ZNF430: variants seen among roughly 807,000 people sequenced by gnomAD.
ZNF430 encodes zinc finger protein 430.
A neutral mutation model predicts 56.7 loss-of-function variants in ZNF430; 35 were observed. The observed-to-expected ratio is 0.62, with a 90% CI of 0.47 to 0.82. ZNF430 has a LOEUF of 0.82. ZNF430 is among the 40% of genes least tolerant of loss of function. The pLI is 0.00. For synonymous variants in ZNF430, 212 were observed against 224.3 expected, an observed-to-expected ratio of 0.94 and a Z score of 0.49; for missense variants, 574 against 661.0, an observed-to-expected ratio of 0.87 and a Z score of 1.44.
intron 4 of ZNF430, chr19:21,049,612 C>G (rs1171286590): frequency 1.5e-5 from 2 of 136,628 alleles, no homozygotes; most frequent in African/African-American, 5.6e-5. Context: ...TGTCTGGCCA[C>G]CATGTAACAT....
At chr19:21,027,937 G>T (rs756996819) in intron 2 of ZNF430, among the ~76,000 whole-genome samples, 87 of 152,234 alleles carry the variant, frequency 5.7e-4, no homozygotes, top group Non-Finnish European at 1.0e-3. Context: ...TATTCATGTT[G>T]CCTCAGCTTT....
chr19:21,033,464 G>A lies in ZNF430; in HGVS notation c.105G>A (p.Leu35=). The A allele has an allele frequency of 1.2e-6, 2 of 1,609,952 alleles. No homozygotes were observed. The highest frequency in any genetic ancestry group is 8.5e-7 in the Non-Finnish European group (1 of 1,178,164). ...LVYSFYEKGP[L]TFRDVAIEFS... The stretch of plus-strand genomic sequence containing the variant: ...GTGCTTGTGTTTTTCAGGGGCCATT[G>A]ACATTTAGGGATGTGGCCATAGAAT... The change falls in exon 3 of 5, where the codon TTG becomes TTA. Residue 35 remains leucine (L), a synonymous_variant. Coordinates refer to ENST00000261560, the MANE Select transcript of ZNF430 (RefSeq NM_025189.4).
chr19:21,048,761 G>A (rs1166657895), intron 4 of ZNF430, among the ~76,000 whole-genome samples: 133 of 151,966 alleles, frequency 8.8e-4, no homozygotes, highest in Middle Eastern at 3.4e-3. Flanking sequence ...AGGGGCGGCC[G>A]GGCAGAGGCG....
chr19:21,056,836 A>G lies in ZNF430; in HGVS notation c.528A>G (p.Ile176Met), dbSNP rs1431952821. 3.1e-6 allele frequency: 5 copies of G among 1,613,098 alleles called. No individual in the cohort carries two copies. Among genetic ancestry groups the G allele is most frequent in the Non-Finnish European group, 4.2e-6 (5 of 1,179,616 alleles). ...NQCLTTTQSE[I>M]FQYDKYVNVF... is the part of the protein sequence containing the mutation. ...GTTTGACAACTACCCAGAGTGAAAT[A>G]TTTCAATATGATAAATATGTGAATG... is the stretch of plus-strand genomic sequence containing the variant. Residue 176 changes from isoleucine (I) to methionine (M), a missense_variant, in exon 5 of 5, where the codon ATA (isoleucine) becomes ATG (methionine). Transcript: ENST00000261560.
At chr19:21,021,453 A>G (rs942220867) in intron 1 of ZNF430, among the ~76,000 whole-genome samples, 1 of 151,980 alleles carries the variant, frequency 6.6e-6, no homozygotes, top group African/African-American at 2.4e-5. Flanking sequence ...GAGCCGAGAT[A>G]GCGCCACTGC....
intron 4 of ZNF430, among the ~76,000 whole-genome samples, chr19:21,045,650 CT>C (rs1277176357): frequency 1.3e-5 from 2 of 152,126 alleles, no homozygotes; most frequent in Non-Finnish European, 2.9e-5. Context: ...AATTGTTGGT[CT>C]AATATTGGCA....
chr19:21,041,349 G>A (rs2144772696), intron 4 of ZNF430, among the ~76,000 whole-genome samples: 1 of 152,210 alleles, frequency 6.6e-6, no homozygotes, highest in Admixed American at 6.5e-5. Context: ...CTCCAGTCTG[G>A]TCTCAGACTC....
rs1236015033 is a variant in ZNF430, at chr19:21,057,113, G to A, written c.805G>A (p.Ala269Thr). The stretch of plus-strand genomic sequence containing the variant: ...CTACAAATGTGAACAATGTGGCAAA[G>A]CTTTTAAGCAGTCCTCAACCCTTAC... ...KPYKCEQCGK[A>T]FKQSSTLTTH... Residue 269 changes from alanine to threonine, a missense_variant, in exon 5 of 5, where the codon GCT becomes ACT. Ala to Thr is a moderately conservative substitution (Grantham distance 58, BLOSUM62 0). Coordinates refer to ENST00000261560, the MANE Select transcript of ZNF430 (RefSeq NM_025189.4). 2 of 1,613,940 alleles carry A rather than the reference G, an allele frequency of 1.2e-6. No homozygotes were observed. Among genetic ancestry groups the A allele is most frequent in the African/African-American group, 1.3e-5 (1 of 74,926 alleles).
rs960984715 is a variant in ZNF430 at position 21,059,030 on chromosome 19, CTT to C, written c.*1011_*1012del. 1.6e-4 allele frequency: 25 copies of C among 152,068 alleles called. No homozygotes were observed. Among genetic ancestry groups the C allele is most frequent in the African/African-American group, 5.8e-4 (24 of 41,418 alleles). The allele number at this position is 152,068 out of a possible 1,614,324, so 9.4% of individuals were successfully genotyped here. A position where few individuals can be genotyped will look rare whatever the true frequency, so the allele number is the denominator to read the frequency against. ...TCAGGGAATTTATATTGAAGAAAAA[CTT>C]TGCAAATTTAATAAATTTTAAAAAA... On this transcript the variant is annotated 3_prime_UTR_variant, in exon 5 of 5. Coordinates refer to ENST00000261560, the MANE Select transcript of ZNF430 (RefSeq NM_025189.4).
chr19:21,024,423 T>C (rs1263058780), intron 2 of ZNF430, among the ~76,000 whole-genome samples: 1 of 152,138 alleles, frequency 6.6e-6, no homozygotes, highest in Non-Finnish European at 1.5e-5. Flanking sequence ...TGTAAGAACC[T>C]TAAGGATTGC....
At chr19:21,034,434 C>G (rs746793267) in intron 4 of ZNF430, 1 of 337,652 alleles carries the variant, frequency 3.0e-6, no homozygotes. Flanking sequence ...TCATGGCATG[C>G]GAGACTCACA....
At chr19:21,025,015 A>G (rs1187946676) in intron 2 of ZNF430, among the ~76,000 whole-genome samples, 1 of 152,280 alleles carries the variant, frequency 6.6e-6, no homozygotes, top group African/African-American at 2.4e-5. Context: ...GAAAATGTGC[A>G]GAGTTCTTAT....
chr19:21,040,053 G>A (rs368756061), intron 4 of ZNF430, among the ~76,000 whole-genome samples: 1 of 152,060 alleles, frequency 6.6e-6, no homozygotes, highest in Non-Finnish European at 1.5e-5. Context: ...ATTCAGTCTG[G>A]TATCAAACTT....
chr19:21,031,716 G>T (rs866787512), intron 2 of ZNF430, among the ~76,000 whole-genome samples: 2 of 152,068 alleles, frequency 1.3e-5, no homozygotes, highest in African/African-American at 4.8e-5. Context: ...ATCTAAAAAG[G>T]ATTTTCAGAG....
intron 4 of ZNF430, among the ~76,000 whole-genome samples, chr19:21,044,120 G>A (rs113988576): frequency 1.7e-4 from 26 of 151,634 alleles, no homozygotes; most frequent in African/African-American, 2.9e-4. Flanking sequence ...CCAATACTAC[G>A]TTGAATAAGA....
chr19:21,049,173 CAAAAAAAA>C (rs746043747), intron 4 of ZNF430, among the ~76,000 whole-genome samples: 1 of 65,256 alleles, frequency 1.5e-5, no homozygotes, highest in South Asian at 7.9e-4. Context: ...GACTCCATCT[CAAAAAAAA>C]AAAAAAAAAA....
chr19:21,034,032 A>G, intron 3 of ZNF430, 54 bp from the exon 4 acceptor site: 2 of 1,368,890 alleles, frequency 1.5e-6, no homozygotes, highest in Non-Finnish European at 2.1e-6. Context: ...GCACAGTACT[A>G]GGTTGGTAAC....
intron 4 of ZNF430, chr19:21,049,377 AT>A (rs1310942998): frequency 6.6e-6 from 1 of 151,960 alleles, no homozygotes; most frequent in East Asian, 1.9e-4. Flanking sequence ...ATAGTAAAAA[AT>A]TCTATATGTA....
At chr19:21,050,954 G>A (rs1459593073) in intron 4 of ZNF430, among the ~76,000 whole-genome samples, 1 of 152,098 alleles carries the variant, frequency 6.6e-6, no homozygotes, top group East Asian at 1.9e-4. Flanking sequence ...CTTGAACCCG[G>A]GAGGTAGAGG....
Sources: allele counts gnomAD v4.1 joint callset (sites outside exome capture counted in the v4.1 genomes callset), GRCh38; gene constraint gnomAD v4.1.1; transcripts MANE v1.5; gene names NCBI Gene and HGNC (gene_info 2026-07-23, HGNC 2026-07-21).